The following SBNO1 variants were observed in gnomAD, a reference collection of about 807,000 sequenced individuals.
SBNO1 encodes the protein strawberry notch homolog 1.
A neutral mutation model predicts 173.6 loss-of-function variants in SBNO1; 23 were observed. That is an observed-to-expected ratio of 0.13 (90% CI 0.10 to 0.19). The LOEUF (loss-of-function observed/expected upper bound fraction) is 0.19. SBNO1 is among the 10% of genes least tolerant of loss of function. The pLI is 1.00. For synonymous variants in SBNO1, 632 were observed against 571.5 expected (o/e 1.11, Z -1.51); for missense variants, 1,238 against 1,671.2 (o/e 0.74, Z 4.52).
chr12:123,293,708 ATG>A lies in SBNO1; in HGVS notation c.*2198_*2199del, dbSNP rs2138853360. On this transcript the variant is annotated 3_prime_UTR_variant, in exon 32 of 32. Coordinates refer to ENST00000602398, the MANE Select transcript of SBNO1 (RefSeq NM_001167856.3). ...CAGAGCAAACATTACATCATAGGCC[ATG>A]GGGGTTGTCACTTAGCTGCATGCTA... 1 of 152,326 alleles carries A rather than the reference ATG, an allele frequency of 6.6e-6. No homozygotes were observed. Among genetic ancestry groups the A allele is most frequent in the East Asian group, 1.9e-4 (1 of 5,184 alleles). 9.4% of individuals were successfully genotyped at this position (152,326 alleles called of 1,614,324 possible). A position where few individuals can be genotyped will look rare whatever the true frequency, so the allele number is the denominator to read the frequency against.
intron 1 of SBNO1, 128 bp downstream of exon 1, chr12:123,364,573 G>A (rs1230905970): frequency 1.0e-6 from 1 of 983,956 alleles, no homozygotes; most frequent in Non-Finnish European, 1.2e-6. Flanking sequence ...AGCGGCGAGG[G>A]AGGCCCCAAG....
At chr12:123,310,738 T>C (rs2049031765) in intron 25 of SBNO1, among the ~76,000 whole-genome samples, 1 of 151,516 alleles carries the variant, frequency 6.6e-6, no homozygotes, top group Non-Finnish European at 1.5e-5. Context: ...TTTCATCATA[T>C]TGGCCAGGCT....
rs1036854814 is a variant in SBNO1, at chr12:123,292,516, A to C, written c.*3392T>G. 2.2e-4 allele frequency: 34 copies of C among 152,148 alleles called. No individual in the cohort carries two copies. The highest frequency in any genetic ancestry group is 8.2e-4 in the African/African-American group (34 of 41,436). The allele number at this position is 152,148 out of a possible 1,614,324, so 9.4% of individuals were successfully genotyped here. ...AGCCTTTCTTCTCTTGCCGGCTAAC[A>C]ATTGTTCTAACAGCATCCCATGGAG... On this transcript the variant is annotated 3_prime_UTR_variant, in exon 32 of 32. Coordinates refer to ENST00000602398, the MANE Select transcript of SBNO1 (RefSeq NM_001167856.3).
intron 1 of SBNO1, among the ~76,000 whole-genome samples, chr12:123,361,618 C>A (rs971679279): frequency 1.3e-5 from 2 of 151,548 alleles, no homozygotes; most frequent in Non-Finnish European, 2.9e-5. Context: ...CCTGTAATCC[C>A]AGCTACTCAG....
At position 123,345,268 on chromosome 12, in the gene SBNO1, T is replaced by G; in HGVS notation, c.540A>C (p.Ala180=). The G allele has an allele frequency of 1.2e-6, 2 of 1,612,828 alleles. No homozygotes were observed. Among genetic ancestry groups the G allele is most frequent in the Non-Finnish European group, 1.7e-6 (2 of 1,178,924 alleles). Residue 180 remains alanine, a synonymous_variant, in exon 4 of 32, where the codon GCA becomes GCC. Transcript: ENST00000602398. ...TGAAAACAGACTTACTAGCTGCTGTTGCTACTGGCTGAGCAATATTAGCAG... is the reference window on the plus strand; with the variant it reads ...TGAAAACAGACTTACTAGCTGCTGTGGCTACTGGCTGAGCAATATTAGCAG... ...KPPANIAQPV[A]TAATDVSNGT...
chr12:123,352,884 G>A (rs12311572), intron 1 of SBNO1, among the ~76,000 whole-genome samples: 1,840 of 152,226 alleles, frequency 0.012, 36 homozygotes, highest in African/African-American at 0.042. Context: ...CGCAACCTCC[G>A]CCTTCCAGGT....
intron 28 of SBNO1, among the ~76,000 whole-genome samples, chr12:123,307,129 C>T (rs1295836746): frequency 6.6e-6 from 1 of 151,026 alleles, no homozygotes; most frequent in Non-Finnish European, 1.5e-5. Flanking sequence ...GTTGAAGCTG[C>T]AGTGAGCCAT....
rs1566053975 is a variant in SBNO1, at chr12:123,351,461, C to T, written c.1-1020G>A. The stretch of plus-strand genomic sequence containing the variant: ...GACCTGCCTAGAGACCCCGTATCTA[C>T]AAAAAAATTTTTTTAATTAGCCAAG... On this transcript the variant is annotated intron_variant, in intron 1 of 31. Coordinates refer to ENST00000602398, the MANE Select transcript of SBNO1 (RefSeq NM_001167856.3). Among the ~76,000 whole-genome samples, 3 of 152,040 alleles carry T rather than the reference C, an allele frequency of 2.0e-5. No individual in the cohort carries two copies. In the East Asian group the frequency reaches 5.8e-4, roughly 29 times the overall value.
At chr12:123,338,155 G>T (rs748793298) in intron 5 of SBNO1, among the ~76,000 whole-genome samples, 1 of 152,164 alleles carries the variant, frequency 6.6e-6, no homozygotes, top group Non-Finnish European at 1.5e-5. Flanking sequence ...CGTGGGCCTG[G>T]GGTTGTCAGG....
At chr12:123,353,461 C>T (rs910205445) in intron 1 of SBNO1, among the ~76,000 whole-genome samples, 1 of 151,844 alleles carries the variant, frequency 6.6e-6, no homozygotes, top group Admixed American at 6.6e-5. Flanking sequence ...AAAATAAACG[C>T]CAGATTGAGA....
chr12:123,315,274 G>A (rs943096514), intron 23 of SBNO1, 99 bp downstream of exon 23: 2 of 853,044 alleles, frequency 2.3e-6, no homozygotes, highest in Non-Finnish European at 3.8e-6. Context: ...GCATAGGAGA[G>A]GCAGTTTTGT....
chr12:123,298,721 T>C (rs1311421465), intron 30 of SBNO1, among the ~76,000 whole-genome samples: 3 of 152,246 alleles, frequency 2.0e-5, no homozygotes, highest in Non-Finnish European at 4.4e-5. Context: ...GTTGAATTTA[T>C]TGTGTTTGCT....
chr12:123,307,332 TAAG>T (rs1423533069), intron 28 of SBNO1, among the ~76,000 whole-genome samples: 2 of 151,302 alleles, frequency 1.3e-5, no homozygotes, highest in African/African-American at 2.4e-5. Context: ...GAAGTAAGAT[TAAG>T]AAGGAATGAA....
intron 20 of SBNO1, 105 bp downstream of exon 20, chr12:123,319,795 C>G: frequency 1.1e-6 from 1 of 929,154 alleles, no homozygotes; most frequent in Non-Finnish European, 1.7e-6. Context: ...AATGACAATA[C>G]TCAATGGACA....
chr12:123,312,581 G>A (rs1291978448), intron 24 of SBNO1, among the ~76,000 whole-genome samples: 3 of 151,704 alleles, frequency 2.0e-5, no homozygotes, highest in Non-Finnish European at 2.9e-5. Flanking sequence ...GTATGGTGGC[G>A]GGCACCTGTA....
intron 2 of SBNO1, among the ~76,000 whole-genome samples, chr12:123,348,769 AAAAACAAATAAAT>A (rs1357786494): frequency 6.6e-6 from 1 of 151,880 alleles, no homozygotes; most frequent in Non-Finnish European, 1.5e-5. Context: ...CGGTCTCAAA[AAAAACAAATAAAT>A]AAAACAAATA....
intron 1 of SBNO1, among the ~76,000 whole-genome samples, chr12:123,361,610 T>C (rs1471650891): frequency 6.6e-6 from 1 of 151,744 alleles, no homozygotes; most frequent in Non-Finnish European, 1.5e-5. Context: ...GGCGTGTACC[T>C]GTAATCCCAG....
chr12:123,325,969 A>T (rs1295918532), intron 14 of SBNO1, among the ~76,000 whole-genome samples, 183 bp downstream of exon 14: 1 of 152,210 alleles, frequency 6.6e-6, no homozygotes, highest in East Asian at 1.9e-4. Flanking sequence ...TTACTTTGTT[A>T]TACTTTTCTG....
intron 1 of SBNO1, among the ~76,000 whole-genome samples, chr12:123,351,998 A>C (rs911935487): frequency 6.6e-6 from 1 of 152,130 alleles, no homozygotes; most frequent in Non-Finnish European, 1.5e-5. Context: ...AGCCAATTTA[A>C]AGCAAGTAGA....
Sources: allele counts gnomAD v4.1 joint callset (sites outside exome capture counted in the v4.1 genomes callset), GRCh38; gene constraint gnomAD v4.1.1; transcripts MANE v1.5; gene names NCBI Gene and HGNC (gene_info 2026-07-23, HGNC 2026-07-21).